Variants in CREBBP observed in about 807,000 individuals in gnomAD.
The protein encoded by CREBBP is CREB binding lysine acetyltransferase.
Under a neutral mutation model 265.0 loss-of-function variants are expected in CREBBP, and 19 were observed. The ratio of observed to expected loss-of-function variants is 0.07; its 90% CI spans 0.05 to 0.11. The LOEUF is 0.11. Among genes scored for constraint, CREBBP ranks in the 10% least tolerant of loss-of-function variants. The pLI is 1.00. For synonymous variants in CREBBP, 1,457 were observed against 1,223.7 expected, an observed-to-expected ratio of 1.19 and a Z score of -3.98; for missense variants, 2,525 against 3,219.0, an observed-to-expected ratio of 0.78 and a Z score of 5.22.
intron 16 of CREBBP, among the ~76,000 whole-genome samples, chr16:3,761,174 G>A (rs185347138): frequency 7.0e-4 from 107 of 152,014 alleles, no homozygotes; most frequent in Middle Eastern, 6.8e-3. Flanking sequence ...GGCTGGTCTC[G>A]AACTCCTGAC....
intron 1 of CREBBP, among the ~76,000 whole-genome samples, chr16:3,870,750 A>G (rs1232283857): frequency 6.6e-6 from 1 of 152,204 alleles, no homozygotes; most frequent in Admixed American, 6.5e-5. Flanking sequence ...TGGCCCAAGA[A>G]GTAGGTGATG....
intron 5 of CREBBP, among the ~76,000 whole-genome samples, chr16:3,785,492 G>A (rs1411705726): frequency 6.6e-6 from 1 of 152,250 alleles, no homozygotes; most frequent in Non-Finnish European, 1.5e-5. Flanking sequence ...TCCCTGAAAG[G>A]TGGGATTAAT....
rs201956327 is a variant in CREBBP, at chr16:3,728,253, G to A, written c.6794C>T (p.Ala2265Val). ...CTGGCCAAGCTGTCCCATCTGAGCC[G>A]CCATCTGGCCCATGGAGCTGCCCTG... ...PLQGSSMGQM[A>V]AQMGQLGQMG... Residue 2265 changes from alanine to valine, a missense_variant, in exon 31 of 31, where the codon GCG (alanine) becomes GTG (valine). This residue lies in a region of CREBBP where 473 missense variants were observed against 459.3 expected (regional missense o/e 1.03). Transcript: ENST00000262367. The surrounding 1 kb of genome is among the most constrained non-coding windows in gnomAD (Gnocchi z 8.7). The A allele has an allele frequency of 5.8e-5, 94 of 1,612,396 alleles. No homozygotes were observed. The highest frequency in any genetic ancestry group is 9.3e-5 in the African/African-American group (7 of 74,894).
chr16:3,850,871 C>T lies in CREBBP; in HGVS notation c.224G>A (p.Arg75Gln), dbSNP rs794727273. ...SKHKQLSELLRGGSGSSINPG... is the reference protein window; with the variant it reads ...SKHKQLSELLQGGSGSSINPG... ...GTTGATACTAGAGCCGCTGCCTCCT[C>T]GTAGAAGCTCCGACAGTTGTTTATG... Residue 75 changes from arginine (R) to glutamine (Q), a missense_variant, in exon 2 of 31, where the codon CGA becomes CAA. Arg to Gln is a conservative substitution (Grantham distance 43, BLOSUM62 1). Transcript: ENST00000262367. 6.2e-7 allele frequency: 1 copy of T among 1,614,122 alleles called. No individual in the cohort carries two copies. The highest frequency in any genetic ancestry group is 8.5e-7 in the Non-Finnish European group (1 of 1,180,042).
At chr16:3,815,515 G>C (rs2054020005) in intron 2 of CREBBP, among the ~76,000 whole-genome samples, 1 of 147,694 alleles carries the variant, frequency 6.8e-6, no homozygotes, top group East Asian at 2.0e-4. Flanking sequence ...GGATGACAGA[G>C]GGGAGACTCC....
At position 3,767,705 on chromosome 16, in the gene CREBBP, G is replaced by A. The variant is rs754205883; in HGVS notation, c.3250+15C>T. 9 of 1,614,130 alleles carry A rather than the reference G, an allele frequency of 5.6e-6. No individual in the cohort carries two copies. Among genetic ancestry groups the A allele is most frequent in the African/African-American group, 4.0e-5 (3 of 74,944 alleles). On this transcript the variant is annotated intron_variant, in intron 16 of 30. Transcript: ENST00000262367. The stretch of plus-strand genomic sequence containing the variant: ...AAGCAGCATGCTTTAATAAGGTAAT[G>A]AATAAATGGCCTACTTTTTTTGCGC...
At chr16:3,859,554 G>A (rs977632615) in intron 1 of CREBBP, among the ~76,000 whole-genome samples, 6 of 151,992 alleles carry the variant, frequency 3.9e-5, no homozygotes, top group African/African-American at 1.5e-4. Context: ...AGGTAGCTTC[G>A]GACAGGAGCT....
intron 4 of CREBBP, among the ~76,000 whole-genome samples, chr16:3,792,822 C>T (rs1239248728): frequency 6.6e-6 from 1 of 152,240 alleles, no homozygotes; most frequent in African/African-American, 2.4e-5. Flanking sequence ...AAAGGGGAGA[C>T]AGAGGGCACG....
At chr16:3,792,155 T>C in intron 4 of CREBBP, 61 bp from the exon 5 acceptor site, 2 of 1,288,412 alleles carry the variant, frequency 1.6e-6, no homozygotes, top group Middle Eastern at 1.8e-4. Context: ...CTTTCAATTA[T>C]ACCTAAATTA....
rs376011879 is a variant in CREBBP at position 3,818,235 on chromosome 16, A to C, written c.799-7456T>G. On this transcript the variant is annotated intron_variant, in intron 2 of 30. Coordinates refer to ENST00000262367, the MANE Select transcript of CREBBP (RefSeq NM_004380.3). Reference sequence around the variant, plus strand: ...GGCACTGCGACGCAGAACTTGACCTAGAGTCGGCCAGGCCATCAGAAACTC... The same window carrying C: ...GGCACTGCGACGCAGAACTTGACCTCGAGTCGGCCAGGCCATCAGAAACTC... Among the ~76,000 whole-genome samples, 5 of 151,734 alleles carry C rather than the reference A, an allele frequency of 3.3e-5. No individual in the cohort carries two copies. The East Asian group carries it at 9.7e-4, about 29-fold the overall frequency.
At chr16:3,790,844 G>A (rs546803794) in intron 5 of CREBBP, among the ~76,000 whole-genome samples, 20 of 152,256 alleles carry the variant, frequency 1.3e-4, no homozygotes, top group Admixed American at 3.3e-4. Context: ...GGAAAACCAC[G>A]GGGGCTGTCA....
chr16:3,794,317 T>G (rs1001323814), intron 3 of CREBBP, among the ~76,000 whole-genome samples: 56 of 100,992 alleles, frequency 5.5e-4, no homozygotes, highest in African/African-American at 2.0e-3. Context: ...GGGCGACAGA[T>G]CGAGACTCCG....
intron 2 of CREBBP, among the ~76,000 whole-genome samples, chr16:3,825,800 T>C (rs935430288): frequency 4.6e-5 from 7 of 152,224 alleles, no homozygotes; most frequent in South Asian, 2.1e-4. Flanking sequence ...TAAAATGTCA[T>C]TGTGTATCTT....
intron 1 of CREBBP, among the ~76,000 whole-genome samples, chr16:3,868,765 G>A (rs1448017200): frequency 6.6e-6 from 1 of 152,070 alleles, no homozygotes; most frequent in African/African-American, 2.4e-5. Context: ...GGCACCACGG[G>A]ACTGCTCACC....
intron 1 of CREBBP, among the ~76,000 whole-genome samples, chr16:3,869,881 T>G (rs993022007): frequency 2.0e-5 from 3 of 152,192 alleles, no homozygotes; most frequent in Non-Finnish European, 4.4e-5. Context: ...AGCAAAACAC[T>G]TGATTCTCTT....
Position 3,769,154 on chromosome 16 carries a change from T to C in CREBBP, c.3060+20A>G. The C allele has an allele frequency of 6.2e-7, 1 of 1,613,602 alleles. No homozygotes were observed. The highest frequency in any genetic ancestry group is 8.5e-7 in the Non-Finnish European group (1 of 1,179,984). ...AAGTTGCGATACGCAGTCAATGCAT[T>C]CCTAGGGAGCGGCACCCACCTCAGA... On this transcript the variant is annotated intron_variant, in intron 15 of 30. Coordinates refer to ENST00000262367, the MANE Select transcript of CREBBP (RefSeq NM_004380.3).
At chr16:3,811,006 C>G (rs780172700) in intron 2 of CREBBP, among the ~76,000 whole-genome samples, 18 of 152,012 alleles carry the variant, frequency 1.2e-4, no homozygotes, top group Admixed American at 4.6e-4. Flanking sequence ...TGTTTCCCCC[C>G]ACCCTCAGCC....
intron 2 of CREBBP, among the ~76,000 whole-genome samples, chr16:3,833,271 G>A (rs1303942682): frequency 2.0e-5 from 3 of 152,240 alleles, no homozygotes; most frequent in Non-Finnish European, 4.4e-5. Context: ...AATTAGCTGG[G>A]TGTGGTGGCG....
At chr16:3,788,473 G>A (rs1384734662) in intron 5 of CREBBP, among the ~76,000 whole-genome samples, 4 of 152,298 alleles carry the variant, frequency 2.6e-5, no homozygotes, top group East Asian at 3.9e-4. Context: ...ACCTGCTCAC[G>A]GGTCCCAAAG....
Sources: allele counts gnomAD v4.1 joint callset (sites outside exome capture counted in the v4.1 genomes callset), GRCh38; gene constraint gnomAD v4.1.1; regional missense constraint gnomAD v4.1.1; non-coding constraint Gnocchi (gnomAD v3.1); transcripts MANE v1.5; gene names NCBI Gene and HGNC (gene_info 2026-07-23, HGNC 2026-07-21).